SOX5: variants seen among roughly 807,000 people sequenced by gnomAD.
SOX5 encodes transcription factor SOX-5.
In SOX5, 9 loss-of-function variants were observed where a neutral mutation model predicts 92.0. The observed-to-expected ratio is 0.10, with a 90% CI of 0.06 to 0.17. The LOEUF is 0.17. Ranked by LOEUF, SOX5 falls within the 10% of genes least tolerant of loss-of-function variation. SOX5 has a pLI of 1.00. For synonymous variants in SOX5, 344 were observed against 336.3 expected, an observed-to-expected ratio of 1.02 and a Z score of -0.25; for missense variants, 642 against 944.5, an observed-to-expected ratio of 0.68 and a Z score of 4.20.
chr12:23,851,096 C>G (rs998165819), intron 2 of SOX5, among the ~76,000 whole-genome samples: 2 of 151,516 alleles, frequency 1.3e-5, no homozygotes, highest in African/African-American at 4.8e-5. Flanking sequence ...AAAAAAAAAC[C>G]TTATCAAGAT....
chr12:24,225,377 A>C (rs1961658792), intron 3 of SOX5, among the ~76,000 whole-genome samples: 2 of 152,334 alleles, frequency 1.3e-5, no homozygotes, highest in South Asian at 2.1e-4. Flanking sequence ...CAACCCAAAA[A>C]ATAAAGTCAT....
chr12:23,994,802 G>T (rs1414663654), intron 4 of SOX5, among the ~76,000 whole-genome samples: 1 of 152,064 alleles, frequency 6.6e-6, no homozygotes, highest in African/African-American at 2.4e-5. Context: ...AACCTTCACA[G>T]AAAAAAATGG....
chr12:24,525,714 A>G (rs1246748441), intron 1 of SOX5, among the ~76,000 whole-genome samples: 1 of 152,066 alleles, frequency 6.6e-6, no homozygotes, highest in Non-Finnish European at 1.5e-5. Flanking sequence ...TACTAAAAAT[A>G]CCAAAAAAAT....
At chr12:23,623,407 G>T (rs555329223) in intron 8 of SOX5, among the ~76,000 whole-genome samples, 2 of 152,148 alleles carry the variant, frequency 1.3e-5, no homozygotes, top group East Asian at 3.9e-4. Context: ...ATACCATGGG[G>T]CAGGAAATAT....
chr12:23,539,033 C>T (rs1334423056), intron 13 of SOX5, among the ~76,000 whole-genome samples: 1 of 151,752 alleles, frequency 6.6e-6, no homozygotes, highest in Admixed American at 6.6e-5. Flanking sequence ...TGTCAATCTC[C>T]TGATCTCGTG....
At chr12:24,561,280 A>C (rs1954311577) in intron 1 of SOX5, among the ~76,000 whole-genome samples, 1 of 152,226 alleles carries the variant, frequency 6.6e-6, no homozygotes, top group South Asian at 2.1e-4. Flanking sequence ...AGAAGGGAAC[A>C]CATTAAAATG....
chr12:23,964,786 C>G (rs1415649502), intron 4 of SOX5, among the ~76,000 whole-genome samples: 1 of 152,188 alleles, frequency 6.6e-6, no homozygotes, highest in East Asian at 1.9e-4. Context: ...CATATAAATA[C>G]ATATATATGG....
intron 3 of SOX5, among the ~76,000 whole-genome samples, chr12:23,777,092 C>T (rs1352680410): frequency 6.6e-5 from 10 of 152,184 alleles, no homozygotes; most frequent in Admixed American, 6.5e-4. Context: ...ATATGTCAGA[C>T]ACACAACAAA....
intron 3 of SOX5, among the ~76,000 whole-genome samples, chr12:23,798,816 G>T (rs2095610822): frequency 6.6e-6 from 1 of 151,876 alleles, no homozygotes; most frequent in African/African-American, 2.4e-5. Context: ...GTAAATTATT[G>T]AGACTCATAT....
rs762621219 is a variant in SOX5, at chr12:23,640,847, C to T, written c.982G>A (p.Ala328Thr). The T allele has an allele frequency of 2.5e-6, 4 of 1,613,414 alleles. No homozygotes were observed. Among genetic ancestry groups the T allele is most frequent in the Admixed American group, 1.7e-5 (1 of 59,984 alleles). ...AGTGGGCCTAAGCCTGGTGTTGCTG[C>T]GGCAGCAGCTGCCATGGTAGTTGGG... ...LIPTTMAAAAAATPGLGPLQL... is the reference protein window; with the variant it reads ...LIPTTMAAAATATPGLGPLQL... Residue 328 changes from alanine to threonine, a missense_variant, in exon 8 of 15, where the codon GCA becomes ACA. By Grantham distance (58) the Ala-to-Thr change is moderately conservative. Transcript: ENST00000451604.
chr12:23,792,739 T>C (rs936085448), intron 3 of SOX5, among the ~76,000 whole-genome samples: 1 of 151,404 alleles, frequency 6.6e-6, no homozygotes, highest in East Asian at 1.9e-4. Context: ...GTATTGTCTG[T>C]ATGTGATGAT....
At chr12:23,884,697 T>G (rs2137252166) in intron 2 of SOX5, among the ~76,000 whole-genome samples, 1 of 152,346 alleles carries the variant, frequency 6.6e-6, no homozygotes, top group South Asian at 2.1e-4. Context: ...TCTAAAACCA[T>G]GAACCCAAAC....
chr12:24,230,076 C>G (rs986257092), intron 3 of SOX5, among the ~76,000 whole-genome samples: 4 of 152,112 alleles, frequency 2.6e-5, no homozygotes, highest in African/African-American at 7.2e-5. Flanking sequence ...TCTCTCATTC[C>G]TGCCATCACT....
At chr12:24,463,343 T>C (rs1943858748) in intron 1 of SOX5, among the ~76,000 whole-genome samples, 1 of 152,184 alleles carries the variant, frequency 6.6e-6, no homozygotes, top group Non-Finnish European at 1.5e-5. Flanking sequence ...CAATTGCTAC[T>C]CTCTACGTAC....
intron 11 of SOX5, among the ~76,000 whole-genome samples, chr12:23,562,940 T>G (rs1946465529): frequency 6.6e-6 from 1 of 152,192 alleles, no homozygotes; most frequent in Non-Finnish European, 1.5e-5. Flanking sequence ...CAAATACAAG[T>G]TAAGCATCTC....
intron 3 of SOX5, among the ~76,000 whole-genome samples, chr12:23,835,158 T>C (rs377287577): frequency 3.3e-5 from 5 of 152,002 alleles, no homozygotes; most frequent in African/African-American, 4.8e-5. Flanking sequence ...CCTTTACTTA[T>C]TGGCAAAATT....
At chr12:23,752,640 T>A (rs1448019767) in intron 4 of SOX5, among the ~76,000 whole-genome samples, 1 of 151,788 alleles carries the variant, frequency 6.6e-6, no homozygotes, top group Non-Finnish European at 1.5e-5. Context: ...TGTTTCTCCC[T>A]CCGCACTCAA....
chr12:24,204,997 A>G (rs1753611315), intron 4 of SOX5, among the ~76,000 whole-genome samples: 1 of 152,188 alleles, frequency 6.6e-6, no homozygotes, highest in Admixed American at 6.5e-5. Flanking sequence ...CTCTTGGAAA[A>G]AAAATAGTTG....
chr12:24,405,549 G>A (rs1020274989), intron 1 of SOX5, among the ~76,000 whole-genome samples: 3 of 152,214 alleles, frequency 2.0e-5, no homozygotes, highest in South Asian at 4.1e-4. Flanking sequence ...ATAAGCTAAG[G>A]GCAGATGTAA....
Sources: allele counts gnomAD v4.1 joint callset (sites outside exome capture counted in the v4.1 genomes callset), GRCh38; gene constraint gnomAD v4.1.1; transcripts MANE v1.5; gene names NCBI Gene and HGNC (gene_info 2026-07-23, HGNC 2026-07-21).